Variants in ZNF331 observed in about 807,000 individuals in gnomAD.
ZNF331 encodes the protein C2H2-like zinc finger protein rearranged in thyroid adenomas.
Under a neutral mutation model 7.0 loss-of-function variants are expected in ZNF331, and 2 were observed. That is an observed-to-expected ratio of 0.29 (90% CI 0.12 to 0.90). ZNF331 has a LOEUF of 0.90. ZNF331 is among the 40% of genes least tolerant of loss of function. ZNF331 has a pLI of 0.58. For missense variants in ZNF331, 432 were observed against 587.7 expected (o/e 0.74, Z 2.74); for synonymous variants, 196 against 205.4 (o/e 0.95, Z 0.39).
rs947681090 is a variant in ZNF331, at chr19:53,579,096, G to A, written c.*1144G>A. ...TTACAGGCGTGAGCCACTGCACCTA[G>A]CCCACTGATCACTCTTCTGCTTACA... On this transcript the variant is annotated 3_prime_UTR_variant, in exon 6 of 6. Transcript: ENST00000449416. The A allele has an allele frequency of 5.1e-6, 1 of 195,920 alleles. No individual in the cohort carries two copies. The highest frequency in any genetic ancestry group is 1.9e-4 in the South Asian group (1 of 5,216). The allele number at this position is 195,920 out of a possible 1,614,324, so 12.1% of individuals were successfully genotyped here.
rs538016527 is a variant in ZNF331, at chr19:53,556,251, A to G, written c.-74+343A>G. Among the ~76,000 whole-genome samples, 30 of 151,790 alleles carry G rather than the reference A, an allele frequency of 2.0e-4. 1 individual carries two copies. The East Asian group carries it at 5.6e-3, about 28-fold the overall frequency. On this transcript the variant is annotated intron_variant, in intron 3 of 5. Transcript: ENST00000449416. ...CAGCGAGACTCCATCTCAAAAAAAA[A>G]AAAAAAAAAAAGGAAATCCTATTGA...
chr19:53,524,723 C>T (rs1340096334), intron 2 of ZNF331, among the ~76,000 whole-genome samples: 1 of 151,936 alleles, frequency 6.6e-6, no homozygotes, highest in Non-Finnish European at 1.5e-5. Context: ...TTGTCTGTTC[C>T]TTCTGATAGT....
intron 3 of ZNF331, among the ~76,000 whole-genome samples, chr19:53,568,833 T>A (rs190464474): frequency 6.8e-6 from 1 of 148,100 alleles, no homozygotes; most frequent in African/African-American, 2.5e-5. Flanking sequence ...TTGGTTTAGG[T>A]TTGATCCATG....
At chr19:53,523,702 T>C (rs1378274728) in intron 2 of ZNF331, among the ~76,000 whole-genome samples, 1 of 152,198 alleles carries the variant, frequency 6.6e-6, no homozygotes, top group African/African-American at 2.4e-5. Flanking sequence ...ATGCAATTCA[T>C]TTGTCTGTTA....
chr19:53,576,932 A>C lies in ZNF331; in HGVS notation c.372A>C (p.Arg124Ser). The change falls in exon 6 of 6, where the codon AGA becomes AGC. Residue 124 changes from arginine to serine, a missense_variant. By Grantham distance (110) the Arg-to-Ser change is moderately radical. Transcript: ENST00000449416. ...REGTPPRTHQ[R>S]HHKENSFECK... ...GCACCCCTCCTAGAACACATCAGAG[A>C]CATCATAAGGAGAATTCCTTTGAAT... is the stretch of plus-strand genomic sequence containing the variant. 1 of 1,614,198 alleles carries C rather than the reference A, an allele frequency of 6.2e-7. No homozygotes were observed. The highest frequency in any genetic ancestry group is 8.5e-7 in the Non-Finnish European group (1 of 1,180,042).
Position 53,558,481 on chromosome 19 carries a change from G to A in ZNF331, c.-74+2573G>A, listed in dbSNP as rs1363278884. 6.6e-6 allele frequency among the ~76,000 whole-genome samples: 1 copy of A among 152,030 alleles called. No individual in the cohort carries two copies. The highest frequency in any genetic ancestry group is 1.5e-5 in the Non-Finnish European group (1 of 68,032). On this transcript the variant is annotated intron_variant, in intron 3 of 5. Transcript: ENST00000449416. The surrounding 1 kb of genome is among the most constrained non-coding windows in gnomAD (Gnocchi z 4.5). Reference sequence around the variant, plus strand: ...ACTTCATTGGATAGGTGTGACTGAAGCATGCACGAATGTGTTGAAACGTGA... The same window carrying A: ...ACTTCATTGGATAGGTGTGACTGAAACATGCACGAATGTGTTGAAACGTGA...
chr19:53,510,431 CTTTTT>C, the ZNF331 span, among the ~76,000 whole-genome samples: 29 of 137,982 alleles, frequency 2.1e-4, no homozygotes, highest in African/African-American at 4.3e-4. Flanking sequence ...GAAACTTGAA[CTTTTT>C]TTTTTTTTTT....
chr19:53,578,181 T>C lies in ZNF331; in HGVS notation c.*229T>C. ...CTTGGTCCAGCACATCCACGCTGTA[T>C]ACGCCACCCACCCTGCTAGTGACTT... On this transcript the variant is annotated 3_prime_UTR_variant, in exon 6 of 6. Transcript: ENST00000449416. 1 of 515,854 alleles carries C rather than the reference T, an allele frequency of 1.9e-6. No homozygotes were observed. Among genetic ancestry groups the C allele is most frequent in the East Asian group, 3.3e-5 (1 of 30,206 alleles). 32.0% of individuals were successfully genotyped at this position (515,854 alleles called of 1,614,324 possible).
chr19:53,544,328 G>A (rs368830535), intron 2 of ZNF331, among the ~76,000 whole-genome samples: 7 of 150,602 alleles, frequency 4.6e-5, no homozygotes, highest in South Asian at 2.1e-4. Context: ...GGCGGATCAC[G>A]AGGTCAGGAG....
upstream of ZNF331, among the ~76,000 whole-genome samples, chr19:53,537,090 A>G (rs555581771): frequency 5.3e-5 from 8 of 152,310 alleles, 1 homozygote; most frequent in South Asian, 1.7e-3. Flanking sequence ...TCTAAAGTCT[A>G]TCTAATTAAA....
intron 2 of ZNF331, among the ~76,000 whole-genome samples, chr19:53,530,821 C>T (rs1048559941): frequency 1.3e-5 from 2 of 152,160 alleles, no homozygotes; most frequent in African/African-American, 2.4e-5. Flanking sequence ...CTTGCGTGGG[C>T]GTGTGTGGGG....
Position 53,576,890 on chromosome 19 carries a change from A to T in ZNF331, c.330A>T (p.Arg110Ser), listed in dbSNP as rs8109631. Reference protein sequence around the residue: ...VNQMIINYVKRPATREGTPPR... With the variant: ...VNQMIINYVKSPATREGTPPR... ...AGATGATCATCAATTATGTCAAAAG[A>T]CCTGCTACTAGAGAAGGCACCCCTC... Residue 110 changes from arginine to serine, a missense_variant, in exon 6 of 6, where the codon AGA becomes AGT. This residue lies in a region of ZNF331 where 81 missense variants were observed against 70.3 expected (regional missense o/e 1.15). Coordinates refer to ENST00000449416, the MANE Select transcript of ZNF331 (RefSeq NM_001079906.2). 5 of 1,613,900 alleles carry T rather than the reference A, an allele frequency of 3.1e-6. No individual in the cohort carries two copies. Among genetic ancestry groups the T allele is most frequent in the African/African-American group, 1.3e-5 (1 of 74,976 alleles).
intron 3 of ZNF331, among the ~76,000 whole-genome samples, chr19:53,557,170 C>T (rs2089489723): frequency 6.6e-6 from 1 of 151,710 alleles, no homozygotes; most frequent in South Asian, 2.1e-4. Context: ...GTTGCCCAGG[C>T]TGGTATCAAA....
At chr19:53,505,121 G>A in the ZNF331 span, among the ~76,000 whole-genome samples, 4 of 152,154 alleles carry the variant, frequency 2.6e-5, no homozygotes, top group Non-Finnish European at 4.4e-5. Context: ...GTAAGCACAC[G>A]AGGCTTGTTA....
the ZNF331 span, among the ~76,000 whole-genome samples, chr19:53,507,290 T>C: frequency 6.6e-6 from 1 of 152,166 alleles, no homozygotes; most frequent in Admixed American, 6.5e-5. Context: ...TCTGTTACTT[T>C]GCTGCTGAGC....
rs34058079 is a variant in ZNF331 at position 53,549,693 on chromosome 19, C to CA, written c.-137-6136dup. On this transcript the variant is annotated intron_variant, in intron 2 of 5. Transcript: ENST00000449416. ...TATGGGAACAGTGGGGACTCTGTCT[C>CA]AAAAAAAAAAAAAAAATTTTTTTTT... Among the ~76,000 whole-genome samples the CA allele has an allele frequency of 8.5e-3, 1,193 of 140,682 alleles. 18 individuals are homozygous for CA. The highest frequency in any genetic ancestry group is 0.032 in the Admixed American group (451 of 14,032). The allele number at this position is 140,682 out of a possible 152,430, so 92.3% of individuals were successfully genotyped here. A position where few individuals can be genotyped will look rare whatever the true frequency, so the allele number is the denominator to read the frequency against.
At chr19:53,556,480 C>CT (rs892971592) in intron 3 of ZNF331, among the ~76,000 whole-genome samples, 21 of 144,900 alleles carry the variant, frequency 1.4e-4, no homozygotes, top group South Asian at 4.4e-4. Context: ...AAAGGGCAAA[C>CT]TTTTTTTTTT....
At position 53,577,705 on chromosome 19, in the gene ZNF331, C is replaced by T; in HGVS notation, c.1145C>T (p.Pro382Leu). 1 of 1,614,202 alleles carries T rather than the reference C, an allele frequency of 6.2e-7. No individual in the cohort carries two copies. The highest frequency in any genetic ancestry group is 8.5e-7 in the Non-Finnish European group (1 of 1,180,044). The change falls in exon 6 of 6, where the codon CCG (proline) becomes CTG (leucine). Residue 382 changes from proline (P) to leucine (L), a missense_variant. Pro to Leu is a moderately conservative substitution (Grantham distance 98). Transcript: ENST00000449416. ...GAGAGAATCCACACAGGCGAAACCC[C>T]GTATAAATGTAAGGAGTGTGGGAAG... ...QHERIHTGET[P>L]YKCKECGKAF... is the part of the protein sequence containing the mutation.
chr19:53,535,987 A>G (rs2087732729), upstream of ZNF331, among the ~76,000 whole-genome samples: 1 of 152,090 alleles, frequency 6.6e-6, no homozygotes, highest in South Asian at 2.1e-4. Context: ...TATTTTCAGT[A>G]GAGACAGGGT....
Sources: gnomAD v4.1 joint callset for allele counts (sites outside exome capture counted in the v4.1 genomes callset) on GRCh38, gnomAD v4.1.1 for gene constraint, gnomAD v4.1.1 regional missense constraint, Gnocchi (gnomAD v3.1) non-coding constraint, MANE v1.5 for transcripts, NCBI Gene and HGNC (gene_info 2026-07-23, HGNC 2026-07-21) for gene names.